ACOT11: variants seen among roughly 807,000 people sequenced by gnomAD.
The protein encoded by ACOT11 is acyl-CoA thioesterase 11.
In ACOT11, 69 loss-of-function variants were observed where a neutral mutation model predicts 77.5. The ratio of observed to expected loss-of-function variants is 0.89; its 90% CI spans 0.73 to 1.09. The LOEUF (loss-of-function observed/expected upper bound fraction) is 1.09, where lower values mean the gene tolerates loss of function less well. Ranked by LOEUF, ACOT11 falls within the 50% of genes least tolerant of loss-of-function variation. ACOT11 has a pLI of 0.00. For missense variants in ACOT11, 766 were observed against 813.7 expected, an observed-to-expected ratio of 0.94 and a Z score of 0.71; for synonymous variants, 279 against 313.0, an observed-to-expected ratio of 0.89 and a Z score of 1.15.
chr1:54,561,887 G>A (rs866667380), intron 1 of ACOT11, among the ~76,000 whole-genome samples: 1 of 75,964 alleles, frequency 1.3e-5, no homozygotes, highest in Non-Finnish European at 2.5e-5. Flanking sequence ...CCTCCCGGAC[G>A]GGGCGGCTGG....
chr1:54,622,751 GT>G (rs1489555744), intron 15 of ACOT11, among the ~76,000 whole-genome samples: 1 of 151,810 alleles, frequency 6.6e-6, no homozygotes, highest in Non-Finnish European at 1.5e-5. Context: ...AAAAAAAATA[GT>G]TAACGGGACT....
intron 15 of ACOT11, among the ~76,000 whole-genome samples, chr1:54,617,382 T>G (rs1644183881): frequency 6.6e-6 from 1 of 151,488 alleles, no homozygotes; most frequent in Non-Finnish European, 1.5e-5. Context: ...CCTCTAGCAC[T>G]GCTTCCCTGC....
At chr1:54,597,617 A>G (rs1643904077) in intron 7 of ACOT11, 2 of 671,360 alleles carry the variant, frequency 3.0e-6, no homozygotes, top group East Asian at 5.6e-5. Flanking sequence ...TACATGGGAA[A>G]CACCAGGTCT....
exon 17 of ACOT11, chr1:54,637,718 C>A (rs976561411): frequency 5.3e-5 from 8 of 151,950 alleles, no homozygotes; most frequent in African/African-American, 1.9e-4. Context: ...ACCCAGGAGG[C>A]AGAGGTTACA....
At chr1:54,629,522 G>T (rs957740651) in intron 15 of ACOT11, among the ~76,000 whole-genome samples, 2 of 133,312 alleles carry the variant, frequency 1.5e-5, no homozygotes, top group Non-Finnish European at 3.4e-5. Flanking sequence ...TCCTGACCTC[G>T]TGATACGCCT....
rs1325187699 is a variant in ACOT11, at chr1:54,607,278, C to G, written c.1502+13C>G. ...CTTGTGACAATGGGTGTGTGCCTATCTGCTGTGGGGTGGGGGACACAACTG... is the reference window on the plus strand; with the variant it reads ...CTTGTGACAATGGGTGTGTGCCTATGTGCTGTGGGGTGGGGGACACAACTG... On this transcript the variant is annotated intron_variant, in intron 14 of 15. Transcript: ENST00000343744. This position sits in a 1 kb window ranked among gnomAD's most constrained non-coding sequence, Gnocchi z 4.5. 6.2e-7 allele frequency: 1 copy of G among 1,613,986 alleles called. No individual in the cohort carries two copies.
At chr1:54,597,725 C>T (rs186872482) in intron 7 of ACOT11, 253 of 359,292 alleles carry the variant, frequency 7.0e-4, no homozygotes, top group East Asian at 3.6e-4. Flanking sequence ...TATCTATGTT[C>T]GCTTCACATC....
At chr1:54,555,022 G>A (rs1212897899) in intron 1 of ACOT11, among the ~76,000 whole-genome samples, 5 of 152,114 alleles carry the variant, frequency 3.3e-5, no homozygotes, top group South Asian at 2.1e-4. Flanking sequence ...GTAGTGGCAC[G>A]ACCTTGGCTC....
rs1368883 is a variant in ACOT11 at position 54,609,779 on chromosome 1, G to T, written c.*667G>T. On this transcript the variant is annotated 3_prime_UTR_variant, in exon 16 of 16. Transcript: ENST00000343744. The stretch of plus-strand genomic sequence containing the variant: ...GGATGGCCGGAGGGCTGCGGGCTCC[G>T]CTATTTGCAAATGGATGCCCCAGTG... 3 of 1,613,942 alleles carry T rather than the reference G, an allele frequency of 1.9e-6. No individual in the cohort carries two copies. Among genetic ancestry groups the T allele is most frequent in the Non-Finnish European group, 2.5e-6 (3 of 1,179,966 alleles).
At chr1:54,550,755 G>A (rs1224900604) in intron 1 of ACOT11, among the ~76,000 whole-genome samples, 2 of 151,926 alleles carry the variant, frequency 1.3e-5, no homozygotes, top group Non-Finnish European at 1.5e-5. Context: ...CCTGGGAGGC[G>A]GAGGCTGCAG....
intron 1 of ACOT11, among the ~76,000 whole-genome samples, chr1:54,551,046 A>AG (rs762117291): frequency 1.0e-3 from 156 of 149,060 alleles, no homozygotes; most frequent in Non-Finnish European, 1.5e-3. Flanking sequence ...ATGCCGAGGC[A>AG]GGAGAATTGC....
rs1644038342 is a variant in ACOT11 at position 54,607,316 on chromosome 1, G to A, written c.1502+51G>A. On this transcript the variant is annotated intron_variant, in intron 14 of 15. Transcript: ENST00000343744. This position sits in a 1 kb window ranked among gnomAD's most constrained non-coding sequence, Gnocchi z 4.5. The stretch of plus-strand genomic sequence containing the variant: ...GGGGACACAACTGGACAGGGTGGTA[G>A]GGTGGCCGCTTCTCCCTCCCAGGGA... 2 of 1,599,570 alleles carry A rather than the reference G, an allele frequency of 1.3e-6. No individual in the cohort carries two copies. The highest frequency in any genetic ancestry group is 1.3e-5 in the African/African-American group (1 of 74,838).
At chr1:54,596,021 C>A (rs529801039) in intron 6 of ACOT11, among the ~76,000 whole-genome samples, 50 of 152,316 alleles carry the variant, frequency 3.3e-4, no homozygotes, top group African/African-American at 8.7e-4. Context: ...CATCAAGGCC[C>A]CTTTGATCCA....
rs1327067044 is a variant in ACOT11, at chr1:54,623,267, G to A, written c.1630-7467G>A. 6 of 1,599,026 alleles carry A rather than the reference G, an allele frequency of 3.8e-6. No homozygotes were observed. The Admixed American group carries it at 5.0e-5, about 13-fold the overall frequency. ...GAAGCCACTCAGGATGACATGGGGG[G>A]AGGCACCTACCTGGCCGCCGCAGGG... is the stretch of plus-strand genomic sequence containing the variant. On this transcript the variant is annotated intron_variant, in intron 15 of 16. Transcript: ENST00000371316.
Position 54,584,937 on chromosome 1 carries a change from A to C in ACOT11, c.241+75A>C. ...AGGGGCCGTGCTTTCAGAGATGGTC[A>C]CCGTCCACCCTAAGTGCCACACTTG... On this transcript the variant is annotated intron_variant, in intron 2 of 15. Coordinates refer to ENST00000343744, the MANE Select transcript of ACOT11 (RefSeq NM_147161.4). The surrounding 1 kb of genome is among the most constrained non-coding windows in gnomAD (Gnocchi z 6.3). The C allele has an allele frequency of 6.9e-7, 1 of 1,450,750 alleles. No individual in the cohort carries two copies. Among genetic ancestry groups the C allele is most frequent in the South Asian group, 1.3e-5 (1 of 78,104 alleles). The allele number at this position is 1,450,750 out of a possible 1,614,324, so 89.9% of individuals were successfully genotyped here.
intron 1 of ACOT11, among the ~76,000 whole-genome samples, chr1:54,578,315 C>G (rs944028612): frequency 2.6e-5 from 4 of 152,168 alleles, no homozygotes; most frequent in Non-Finnish European, 4.4e-5. Context: ...TGTCTCCAGT[C>G]TCTTATTGCT....
intron 8 of ACOT11, among the ~76,000 whole-genome samples, chr1:54,599,910 A>T (rs962376483): frequency 6.6e-6 from 1 of 152,266 alleles, no homozygotes; most frequent in African/African-American, 2.4e-5. Context: ...TTCAGAGGTC[A>T]TTATTTAATT....
intron 1 of ACOT11, among the ~76,000 whole-genome samples, chr1:54,554,055 C>A (rs978641001): frequency 1.3e-5 from 2 of 151,900 alleles, no homozygotes; most frequent in African/African-American, 4.8e-5. Flanking sequence ...CGCCTCTAGT[C>A]CCAGCTAGTT....
intron 1 of ACOT11, among the ~76,000 whole-genome samples, chr1:54,556,171 G>A (rs182529979): frequency 6.6e-6 from 1 of 152,272 alleles, no homozygotes; most frequent in African/African-American, 2.4e-5. Context: ...TGGCACCTTT[G>A]TTGAAAATCA....
Sources: gnomAD v4.1 joint callset for allele counts (sites outside exome capture counted in the v4.1 genomes callset) on GRCh38, gnomAD v4.1.1 for gene constraint, Gnocchi (gnomAD v3.1) non-coding constraint, MANE v1.5 for transcripts, NCBI Gene and HGNC (gene_info 2026-07-23, HGNC 2026-07-21) for gene names.